Variants in SPAG17 observed in about 807,000 individuals in gnomAD.
The protein encoded by SPAG17 is sperm associated antigen 17, also known as sperm-associated antigen 17.
SPAG17 carries 169 observed loss-of-function variants against 273.6 expected under a neutral mutation model. The ratio of observed to expected loss-of-function variants is 0.62; its 90% CI spans 0.55 to 0.70. SPAG17 has a LOEUF of 0.70. SPAG17 is among the 30% of genes least tolerant of loss of function. The pLI is 0.00. For synonymous variants in SPAG17, 825 were observed against 873.2 expected, an observed-to-expected ratio of 0.94 and a Z score of 0.97; for missense variants, 2,557 against 2,627.8, an observed-to-expected ratio of 0.97 and a Z score of 0.59.
intron 4 of SPAG17, among the ~76,000 whole-genome samples, chr1:118,112,208 T>C (rs1656803681): frequency 6.6e-6 from 1 of 152,008 alleles, no homozygotes; most frequent in African/African-American, 2.4e-5. Context: ...TTAAATGTGT[T>C]CATAATTAAT....
At chr1:118,105,613 C>A (rs1232205820) in intron 4 of SPAG17, among the ~76,000 whole-genome samples, 1 of 151,996 alleles carries the variant, frequency 6.6e-6, no homozygotes, top group Non-Finnish European at 1.5e-5. Context: ...GATTTATGGA[C>A]TGGGATTTAT....
At chr1:118,150,405 AC>A in intron 3 of SPAG17, 137 bp downstream of exon 3, 1 of 436,532 alleles carries the variant, frequency 2.3e-6, no homozygotes, top group Non-Finnish European at 4.1e-6. Flanking sequence ...GTGTGTGTTC[AC>A]CATCAGGAAC....
intron 28 of SPAG17, among the ~76,000 whole-genome samples, chr1:118,021,003 T>C (rs1393639411): frequency 1.3e-5 from 2 of 152,120 alleles, no homozygotes; most frequent in Non-Finnish European, 2.9e-5. Context: ...ACAGTGACCA[T>C]ATGGCCCACA....
intron 20 of SPAG17, among the ~76,000 whole-genome samples, chr1:118,046,071 T>G (rs1650318511): frequency 6.6e-6 from 1 of 152,000 alleles, no homozygotes; most frequent in Non-Finnish European, 1.5e-5. Flanking sequence ...GGCACGGTGG[T>G]TCACGCCTGT....
Position 118,091,700 on chromosome 1 carries a change from G to C in SPAG17, c.1265C>G (p.Thr422Ser), listed in dbSNP as rs1009698599. The C allele has an allele frequency of 1.2e-6, 2 of 1,607,426 alleles. No homozygotes were observed. The highest frequency in any genetic ancestry group is 1.7e-6 in the Non-Finnish European group (2 of 1,174,544). The change falls in exon 10 of 49, where the codon ACT (threonine) becomes AGT (serine). Residue 422 changes from threonine to serine, a missense_variant. Physicochemically the swap from Thr to Ser is moderately conservative, Grantham distance 58 (BLOSUM62 1). Coordinates refer to ENST00000336338, the MANE Select transcript of SPAG17 (RefSeq NM_206996.4). ...APPPVTSVIT[T>S]EVDMRYYNYL... ...ATTGTAATATCTCATGTCTACTTCA[G>C]TTGTGATGACTGAAGTCACTGTAAA...
Position 118,031,686 on chromosome 1 carries a change from ATTTACCTTTTTCTCTTCTTCT to A in SPAG17, c.3594_3609+5del. The A allele has an allele frequency of 6.2e-7, 1 of 1,612,100 alleles. No homozygotes were observed. The highest frequency in any genetic ancestry group is 1.1e-5 in the South Asian group (1 of 90,860). ...AGTTTGGGAATCTATGGCAAGGTTC[ATTTACCTTTTTCTCTTCTTCT>A]TTTGGGTGTTCTTCTTCTTTAAGGG... On this transcript the variant is annotated splice_donor_variant and splice_donor_5th_base_variant and coding_sequence_variant and intron_variant, in exon 25 of 49. Coordinates refer to ENST00000336338, the MANE Select transcript of SPAG17 (RefSeq NM_206996.4). LOFTEE classifies it high-confidence loss of function.
chr1:118,093,544 T>G (rs1238282779), intron 7 of SPAG17, among the ~76,000 whole-genome samples: 1 of 152,210 alleles, frequency 6.6e-6, no homozygotes, highest in Non-Finnish European at 1.5e-5. Context: ...TGGAGGGCCG[T>G]ATGGCTGCCT....
At chr1:118,144,991 G>A (rs1021185322) in intron 3 of SPAG17, among the ~76,000 whole-genome samples, 2 of 152,178 alleles carry the variant, frequency 1.3e-5, no homozygotes, top group African/African-American at 4.8e-5. Flanking sequence ...ACGGCATTAG[G>A]TTGGCTAGCT....
intron 43 of SPAG17, among the ~76,000 whole-genome samples, chr1:117,980,710 A>T (rs568582975): frequency 6.6e-6 from 1 of 152,228 alleles, no homozygotes; most frequent in Non-Finnish European, 1.5e-5. Flanking sequence ...TTTGTGATCA[A>T]CTATATTTAG....
intron 23 of SPAG17, among the ~76,000 whole-genome samples, chr1:118,038,725 A>C (rs1434978724): frequency 6.6e-6 from 1 of 152,194 alleles, no homozygotes; most frequent in Non-Finnish European, 1.5e-5. Context: ...AGAAAGCAAA[A>C]GTATGGACAC....
chr1:117,974,686 C>T (rs1363486032), intron 43 of SPAG17, among the ~76,000 whole-genome samples: 1 of 152,126 alleles, frequency 6.6e-6, no homozygotes, highest in Non-Finnish European at 1.5e-5. Context: ...AGGGAATGAG[C>T]AAGTGTAGGA....
rs557137746 is a variant in SPAG17, at chr1:117,976,250, T to C, written c.6005-2689A>G. Among the ~76,000 whole-genome samples the C allele has an allele frequency of 7.2e-5, 11 of 152,324 alleles. No individual in the cohort carries two copies. In the East Asian group the frequency reaches 1.9e-3, roughly 27 times the overall value. ...TGAGGGTCTTGGAGCAGTGGCTGAT[T>C]ACCAGCTGACACAGAGGTCCTTTAG... is the stretch of plus-strand genomic sequence containing the variant. On this transcript the variant is annotated intron_variant, in intron 43 of 48. Transcript: ENST00000336338.
chr1:118,147,526 C>T (rs1659082850), intron 3 of SPAG17, among the ~76,000 whole-genome samples: 1 of 152,134 alleles, frequency 6.6e-6, no homozygotes, highest in Admixed American at 6.5e-5. Flanking sequence ...CCTAGTAGAG[C>T]AAAACATGCT....
intron 28 of SPAG17, among the ~76,000 whole-genome samples, chr1:118,020,175 C>T (rs1385104961): frequency 6.6e-6 from 1 of 152,110 alleles, no homozygotes; most frequent in Non-Finnish European, 1.5e-5. Flanking sequence ...TTCCAGCACT[C>T]TGGGGGGCCA....
chr1:118,091,307 C>T (rs1570676835), intron 10 of SPAG17, among the ~76,000 whole-genome samples: 1 of 152,130 alleles, frequency 6.6e-6, no homozygotes, highest in Non-Finnish European at 1.5e-5. Flanking sequence ...ACCCACTTGT[C>T]CATGTTCTCT....
intron 48 of SPAG17, chr1:117,960,980 A>G (rs1017163833): frequency 3.3e-5 from 5 of 152,116 alleles, no homozygotes; most frequent in Admixed American, 3.3e-4. Context: ...AATTTTTCCA[A>G]TATATTTATT....
At position 118,156,141 on chromosome 1, in the gene SPAG17, T is replaced by C. The variant is rs111240026; in HGVS notation, c.88-4772A>G. 4.1e-3 allele frequency among the ~76,000 whole-genome samples: 625 copies of C among 152,394 alleles called. 1 individual carries two copies. Among genetic ancestry groups the C allele is most frequent in the African/African-American group, 0.014 (592 of 41,588 alleles). Reference sequence around the variant, plus strand: ...ATCTCACACAATTTATTATAAGTGCTATAGTTTCACTTAATTAGATAATAC... The same window carrying C: ...ATCTCACACAATTTATTATAAGTGCCATAGTTTCACTTAATTAGATAATAC... On this transcript the variant is annotated intron_variant, in intron 1 of 48. Transcript: ENST00000336338.
In SPAG17 at chr1:117,996,434, AT is replaced by A. The variant is rs766932184; in HGVS notation, c.4988del (p.Tyr1663PhefsTer25). The A allele has an allele frequency of 3.7e-6, 6 of 1,612,996 alleles. No homozygotes were observed. The highest frequency in any genetic ancestry group is 4.2e-6 in the Non-Finnish European group (5 of 1,179,434). ...ELLRDSDIEE[Y>X]LSLAYKESNT... Reference sequence around the variant, plus strand: ...TTGATTCTTTATATGCCAAAGATAGATATTCTTCTATGTCACTGTCTCGAAG... The same window carrying A: ...TTGATTCTTTATATGCCAAAGATAGAATTCTTCTATGTCACTGTCTCGAAG... On this transcript the variant is annotated frameshift_variant, in exon 34 of 49. Coordinates refer to ENST00000336338, the MANE Select transcript of SPAG17 (RefSeq NM_206996.4). LOFTEE classifies it high-confidence loss of function.
At chr1:118,097,543 T>C in intron 7 of SPAG17, 127 bp downstream of exon 7, 1 of 582,642 alleles carries the variant, frequency 1.7e-6, no homozygotes, top group Non-Finnish European at 2.7e-6. Flanking sequence ...ATCCTGAAGA[T>C]AAAAGAGCCT....
Sources: gnomAD v4.1 joint callset for allele counts (sites outside exome capture counted in the v4.1 genomes callset) on GRCh38, gnomAD v4.1.1 for gene constraint, MANE v1.5 for transcripts, NCBI Gene and HGNC (gene_info 2026-07-23, HGNC 2026-07-21) for gene names.